Variants in RASGRP3 observed in about 807,000 individuals in gnomAD.
The protein encoded by RASGRP3 is ras guanyl-releasing protein 3.
In RASGRP3, 54 loss-of-function variants were observed where a neutral mutation model predicts 82.7. The ratio of observed to expected loss-of-function variants is 0.65; its 90% CI spans 0.52 to 0.82. The LOEUF (loss-of-function observed/expected upper bound fraction) is 0.82. RASGRP3 is among the 40% of genes least tolerant of loss of function. RASGRP3 has a pLI of 0.00. For synonymous variants in RASGRP3, 309 were observed against 300.5 expected, an observed-to-expected ratio of 1.03 and a Z score of -0.29; for missense variants, 861 against 828.9, an observed-to-expected ratio of 1.04 and a Z score of -0.48.
At chr2:33,441,662 T>A (rs1379451699) in intron 1 of RASGRP3, among the ~76,000 whole-genome samples, 2 of 152,272 alleles carry the variant, frequency 1.3e-5, no homozygotes, top group African/African-American at 2.4e-5. Context: ...ATACTTCACC[T>A]GTTTACCATT....
intron 11 of RASGRP3, among the ~76,000 whole-genome samples, chr2:33,535,962 G>A (rs890851510): frequency 5.3e-5 from 8 of 152,076 alleles, no homozygotes; most frequent in Non-Finnish European, 7.3e-5. Context: ...GTTGTTGAAT[G>A]CCTGGCAGAG....
chr2:33,549,862 G>A (rs1675201449), intron 14 of RASGRP3, 111 bp downstream of exon 14: 2 of 1,281,666 alleles, frequency 1.6e-6, no homozygotes, highest in Non-Finnish European at 2.1e-6. Context: ...TGAATCAGAA[G>A]TAAAATGTGA....
intron 2 of RASGRP3, among the ~76,000 whole-genome samples, chr2:33,449,825 T>A (rs1224969000): frequency 6.6e-6 from 1 of 152,174 alleles, no homozygotes; most frequent in African/African-American, 2.4e-5. Context: ...AAATGCAAAC[T>A]TTTGTATATT....
At position 33,505,153 on chromosome 2, in the gene RASGRP3, T is replaced by TCACCACCACCACCACCACCAC. The variant is rs10652330; in HGVS notation, c.-260-6551_-260-6531dup. 5.5e-3 allele frequency among the ~76,000 whole-genome samples: 824 copies of TCACCACCACCACCACCACCAC among 149,972 alleles called. 8 individuals are homozygous for TCACCACCACCACCACCACCAC. Among genetic ancestry groups the TCACCACCACCACCACCACCAC allele is most frequent in the African/African-American group, 0.019 (747 of 40,330 alleles). The stretch of plus-strand genomic sequence containing the variant: ...ATCATCACCATCATCATCATCATCA[T>TCACCACCACCACCACCACCAC]CACCACCACCACCACCACCACCACC... On this transcript the variant is annotated intron_variant, in intron 1 of 17. Transcript: ENST00000403687.
At chr2:33,538,505 A>AATAAATAAATAC (rs1481950045) in intron 11 of RASGRP3, among the ~76,000 whole-genome samples, 4 of 150,762 alleles carry the variant, frequency 2.7e-5, no homozygotes, top group South Asian at 4.2e-4. Context: ...TCTGTCTCAA[A>AATAAATAAATAC]ATAAATAAAT....
chr2:33,548,246 A>C (rs1675001756), intron 13 of RASGRP3, among the ~76,000 whole-genome samples: 1 of 151,110 alleles, frequency 6.6e-6, no homozygotes, highest in South Asian at 2.1e-4. Context: ...CTGTAGTCCC[A>C]GCTACTCGGG....
At chr2:33,546,043 C>G (rs1377017696) in intron 13 of RASGRP3, among the ~76,000 whole-genome samples, 3 of 151,866 alleles carry the variant, frequency 2.0e-5, no homozygotes, top group Non-Finnish European at 4.4e-5. Context: ...CTCCTGAACT[C>G]AGGTGATCCA....
At chr2:33,437,253 A>T (rs577365714) in intron 1 of RASGRP3, among the ~76,000 whole-genome samples, 3 of 152,198 alleles carry the variant, frequency 2.0e-5, no homozygotes, top group Non-Finnish European at 4.4e-5. Context: ...TACCTTGAAA[A>T]ATGTCACTGG....
In RASGRP3 at chr2:33,515,280, G is replaced by T. The variant is rs554329413; in HGVS notation, c.70+74G>T. The T allele has an allele frequency of 1.8e-4, 266 of 1,509,364 alleles. No homozygotes were observed. The African/African-American group carries it at 3.2e-3, about 18-fold the overall frequency. 93.5% of individuals were successfully genotyped at this position (1,509,364 alleles called of 1,614,324 possible). ...ACTTTCCTCTATTCAGAGGCAAGTT[G>T]CTTGTAGAACAGAGTTCAGTCTCTG... is the stretch of plus-strand genomic sequence containing the variant. On this transcript the variant is annotated intron_variant, in intron 3 of 17. Coordinates refer to ENST00000403687, the MANE Select transcript of RASGRP3 (RefSeq NM_001139488.2).
At chr2:33,519,777 T>G (rs531241444) in intron 4 of RASGRP3, among the ~76,000 whole-genome samples, 175 bp from the exon 5 acceptor site, 1 of 152,244 alleles carries the variant, frequency 6.6e-6, no homozygotes, top group African/African-American at 2.4e-5. Flanking sequence ...CTATAATAAA[T>G]CAAGTTTCAA....
chr2:33,509,391 G>A (rs1387152309), intron 1 of RASGRP3, among the ~76,000 whole-genome samples: 5 of 148,612 alleles, frequency 3.4e-5, no homozygotes, highest in Non-Finnish European at 7.4e-5. Context: ...AACAGAGCAA[G>A]ACCATCTCAA....
chr2:33,495,406 C>A (rs1007597816), intron 1 of RASGRP3, among the ~76,000 whole-genome samples: 2 of 152,132 alleles, frequency 1.3e-5, no homozygotes, highest in Non-Finnish European at 2.9e-5. Context: ...CTGTGAGAAT[C>A]TAACGCCGCA....
At chr2:33,527,838 C>T (rs1672732738) in intron 10 of RASGRP3, among the ~76,000 whole-genome samples, 1 of 152,212 alleles carries the variant, frequency 6.6e-6, no homozygotes, top group Non-Finnish European at 1.5e-5. Flanking sequence ...TCCCCCTGTT[C>T]CCATTATGAA....
chr2:33,475,871 A>C (rs4077711), upstream of RASGRP3, among the ~76,000 whole-genome samples: 55,259 of 152,138 alleles, frequency 0.36, 10,521 homozygotes, highest in African/African-American at 0.46. Flanking sequence ...CGCGTTGTCA[A>C]CTTGGTGATA....
Position 33,495,618 on chromosome 2 carries a change from A to G in RASGRP3, c.-260-16092A>G, listed in dbSNP as rs927399564. Among the ~76,000 whole-genome samples the G allele has an allele frequency of 5.1e-4, 77 of 152,200 alleles. 2 individuals are homozygous for G. The highest frequency in any genetic ancestry group is 7.3e-5 in the Non-Finnish European group (5 of 68,034). On this transcript the variant is annotated intron_variant, in intron 1 of 17. Transcript: ENST00000403687. The stretch of plus-strand genomic sequence containing the variant: ...GAATAAGAAAAATTCTGGACGAGGC[A>G]TGGTGCCTCATGCTTGTAATCCCAG...
At chr2:33,559,772 A>G (rs1322119164) in intron 17 of RASGRP3, 2 of 403,084 alleles carry the variant, frequency 5.0e-6, no homozygotes, top group Non-Finnish European at 1.0e-5. Context: ...TCTCATAAAC[A>G]GAATATTGGG....
At chr2:33,490,415 G>A (rs1668749669) in intron 1 of RASGRP3, among the ~76,000 whole-genome samples, 1 of 152,160 alleles carries the variant, frequency 6.6e-6, no homozygotes. Context: ...CTTTGTCAAG[G>A]TCACCAGTGA....
At chr2:33,555,746 T>C (rs753141083) in intron 15 of RASGRP3, among the ~76,000 whole-genome samples, 179 bp downstream of exon 15, 3 of 152,048 alleles carry the variant, frequency 2.0e-5, no homozygotes, top group Non-Finnish European at 2.9e-5. Context: ...AGAGCTAAAA[T>C]TGGAATTTTA....
intron 10 of RASGRP3, among the ~76,000 whole-genome samples, chr2:33,529,545 C>T (rs1672913051): frequency 7.0e-6 from 1 of 143,044 alleles, no homozygotes; most frequent in Admixed American, 7.1e-5. Context: ...GAAATAAAGG[C>T]TAAGAAAAAA....
Sources: allele counts gnomAD v4.1 joint callset (sites outside exome capture counted in the v4.1 genomes callset), GRCh38; gene constraint gnomAD v4.1.1; transcripts MANE v1.5; gene names NCBI Gene and HGNC (gene_info 2026-07-23, HGNC 2026-07-21).